Variants in PCDHA7 observed in about 807,000 individuals in gnomAD.
The protein encoded by PCDHA7 is protocadherin alpha-7.
A neutral mutation model predicts 57.2 loss-of-function variants in PCDHA7; 37 were observed. That is an observed-to-expected ratio of 0.65 (90% CI 0.50 to 0.85). The LOEUF (loss-of-function observed/expected upper bound fraction) is 0.85, where lower values mean the gene tolerates loss of function less well. Among genes scored for constraint, PCDHA7 ranks in the 40% least tolerant of loss-of-function variants. The pLI is 0.00. For missense variants in PCDHA7, 1,188 were observed against 1,241.8 expected (o/e 0.96, Z 0.65); for synonymous variants, 553 against 558.8 (o/e 0.99, Z 0.15).
chr5:140,906,175 G>T (rs1177661963), intron 1 of PCDHA7, among the ~76,000 whole-genome samples: 18 of 152,058 alleles, frequency 1.2e-4, no homozygotes, highest in African/African-American at 4.1e-4. Flanking sequence ...ACAATACTTT[G>T]CATCCTTCAA....
rs2150312229 is a variant in PCDHA7 at position 140,841,232 on chromosome 5, T to C, written c.2355+4494T>C. 327 of 1,468,172 alleles carry C rather than the reference T, an allele frequency of 2.2e-4. 4 individuals are homozygous for C. Among genetic ancestry groups the C allele is most frequent in the Non-Finnish European group, 2.9e-4 (317 of 1,091,800 alleles). 90.9% of individuals were successfully genotyped at this position (1,468,172 alleles called of 1,614,324 possible). Reference sequence around the variant, plus strand: ...TCTCTAAAGGCCGAACAACGGGAGATGCAGCGGAATTGGATTAAAAGACTC... The same window carrying C: ...TCTCTAAAGGCCGAACAACGGGAGACGCAGCGGAATTGGATTAAAAGACTC... On this transcript the variant is annotated intron_variant, in intron 1 of 3. Coordinates refer to ENST00000525929, the MANE Select transcript of PCDHA7 (RefSeq NM_018910.3).
In PCDHA7 at chr5:141,010,294, C is replaced by T. The variant is rs545906858; in HGVS notation, c.*357C>T. ...TCCTGTCTTGATGACACTTGCAGGG[C>T]AGGCTGAAAAGTTTTGAGATTGAGC... On this transcript the variant is annotated 3_prime_UTR_variant, in exon 4 of 4. Coordinates refer to ENST00000525929, the MANE Select transcript of PCDHA7 (RefSeq NM_018910.3). 3.2e-6 allele frequency: 5 copies of T among 1,549,782 alleles called. No homozygotes were observed. Among genetic ancestry groups the T allele is most frequent in the Non-Finnish European group, 4.4e-6 (5 of 1,146,446 alleles).
chr5:140,893,432 C>T (rs1280374649), intron 1 of PCDHA7, among the ~76,000 whole-genome samples: 5 of 151,946 alleles, frequency 3.3e-5, no homozygotes, highest in Non-Finnish European at 7.4e-5. Flanking sequence ...GCAGGAAGAT[C>T]GCTTGAAGCC....
chr5:140,937,069 G>A (rs1385358225), intron 1 of PCDHA7, among the ~76,000 whole-genome samples: 3 of 138,378 alleles, frequency 2.2e-5, no homozygotes, highest in South Asian at 2.2e-4. Context: ...ACGGAGTCTC[G>A]CTCTGTCGCC....
intron 1 of PCDHA7, chr5:140,968,408 A>G: frequency 6.2e-7 from 1 of 1,613,980 alleles, no homozygotes; most frequent in Non-Finnish European, 8.5e-7. Flanking sequence ...GTTCTTTGTG[A>G]CTGTGGAGGC....
chr5:140,871,082 C>T, intron 1 of PCDHA7: 1 of 1,613,246 alleles, frequency 6.2e-7, no homozygotes, highest in Non-Finnish European at 8.5e-7. Context: ...GCGCTGACGG[C>T]CACGGCCACC....
chr5:140,869,297 G>T lies in PCDHA7; in HGVS notation c.2355+32559G>T. 3.7e-6 allele frequency: 6 copies of T among 1,613,580 alleles called. No homozygotes were observed. The highest frequency in any genetic ancestry group is 1.1e-5 in the South Asian group (1 of 91,050). On this transcript the variant is annotated intron_variant, in intron 1 of 3. Transcript: ENST00000525929. ...GCGGAGCTGGTGCAGCGCCTGTTCC[G>T]GGTGGCGTCCAAAACACATGGGGAC...
At chr5:140,891,424 G>A (rs932574419) in intron 1 of PCDHA7, among the ~76,000 whole-genome samples, 1 of 146,144 alleles carries the variant, frequency 6.8e-6, no homozygotes, top group Non-Finnish European at 1.5e-5. Context: ...TTGCCCCCAA[G>A]TCCCCAACGT....
intron 1 of PCDHA7, chr5:140,864,423 CACAA>C (rs1165677153): frequency 1.8e-4 from 27 of 152,176 alleles, no homozygotes; most frequent in Non-Finnish European, 3.4e-4. Flanking sequence ...CAGCTTCGTC[CACAA>C]ACAATTTTGT....
At chr5:140,883,774 T>C (rs782252577) in intron 1 of PCDHA7, 10 of 1,612,152 alleles carry the variant, frequency 6.2e-6, no homozygotes, top group South Asian at 5.5e-5. Flanking sequence ...TGGGCGAGCG[T>C]GCGCTGTCGA....
rs1554229569 is a variant in PCDHA7, at chr5:140,967,454, G to A, written c.2356-11495G>A. ...CTTGCACCACCTGGTTCTCACAGCCGTGGATGGGGGCATCCCAGCCCGCTC... is the reference window on the plus strand; with the variant it reads ...CTTGCACCACCTGGTTCTCACAGCCATGGATGGGGGCATCCCAGCCCGCTC... On this transcript the variant is annotated intron_variant, in intron 1 of 3. Transcript: ENST00000525929. 6.2e-7 allele frequency: 1 copy of A among 1,613,614 alleles called. No individual in the cohort carries two copies. Among genetic ancestry groups the A allele is most frequent in the Admixed American group, 1.7e-5 (1 of 60,010 alleles).
Sources: allele counts gnomAD v4.1 joint callset (sites outside exome capture counted in the v4.1 genomes callset), GRCh38; gene constraint gnomAD v4.1.1; transcripts MANE v1.5; gene names NCBI Gene and HGNC (gene_info 2026-07-23, HGNC 2026-07-21).